The following KCNK2 variants were observed in gnomAD, a reference collection of about 807,000 sequenced individuals.
The protein encoded by KCNK2 is potassium two pore domain channel subfamily K member 2.
KCNK2 carries 21 observed loss-of-function variants against 40.5 expected under a neutral mutation model. The ratio of observed to expected loss-of-function variants is 0.52; its 90% CI spans 0.37 to 0.75. KCNK2 has a LOEUF of 0.75. Ranked by LOEUF, KCNK2 falls within the 30% of genes least tolerant of loss-of-function variation. The pLI is 0.00. For synonymous variants in KCNK2, 191 were observed against 202.2 expected, an observed-to-expected ratio of 0.94 and a Z score of 0.47; for missense variants, 399 against 531.6, an observed-to-expected ratio of 0.75 and a Z score of 2.45.
intron 2 of KCNK2, among the ~76,000 whole-genome samples, chr1:215,111,998 A>G (rs2102564115): frequency 6.7e-6 from 1 of 149,652 alleles, no homozygotes; most frequent in African/African-American, 2.5e-5. Context: ...AAGTACAGGG[A>G]TTTACTCTTT....
At chr1:215,184,292 A>T (rs1451379676) in intron 5 of KCNK2, among the ~76,000 whole-genome samples, 1 of 152,186 alleles carries the variant, frequency 6.6e-6, no homozygotes, top group Non-Finnish European at 1.5e-5. Flanking sequence ...GGAGAAAGTG[A>T]GATATAGTGA....
chr1:215,053,675 A>G (rs902860431), intron 1 of KCNK2, among the ~76,000 whole-genome samples: 20 of 152,238 alleles, frequency 1.3e-4, no homozygotes, highest in African/African-American at 4.8e-4. Context: ...TTTCTAGCTT[A>G]CAAAGGTAGA....
At chr1:215,225,724 A>T (rs1666359369) in intron 6 of KCNK2, among the ~76,000 whole-genome samples, 1 of 152,240 alleles carries the variant, frequency 6.6e-6, no homozygotes, top group Admixed American at 6.5e-5. Context: ...TAGAATGCAT[A>T]GTCTCTGTCA....
At chr1:215,141,680 T>A (rs536641173) in intron 3 of KCNK2, among the ~76,000 whole-genome samples, 22 of 152,204 alleles carry the variant, frequency 1.4e-4, no homozygotes, top group African/African-American at 5.1e-4. Flanking sequence ...GGATCACAAC[T>A]TTTCCTACCA....
chr1:215,148,550 C>T (rs1016395275), intron 3 of KCNK2, among the ~76,000 whole-genome samples: 1 of 152,090 alleles, frequency 6.6e-6, no homozygotes. Flanking sequence ...CTATAGATTG[C>T]TCTTTTCAAT....
In KCNK2 at chr1:215,194,094, A is replaced by T. The variant is rs77659515; in HGVS notation, c.824-859A>T. Reference sequence around the variant, plus strand: ...CTTGGGCTAAATTATGAATTTTTCAAGGGAGGTATTTGATTTCTTACTTGT... The same window carrying T: ...CTTGGGCTAAATTATGAATTTTTCATGGGAGGTATTTGATTTCTTACTTGT... On this transcript the variant is annotated intron_variant, in intron 5 of 6. Transcript: ENST00000444842. 7.7e-3 allele frequency among the ~76,000 whole-genome samples: 1,167 copies of T among 152,252 alleles called. 18 individuals are homozygous for T. The highest frequency in any genetic ancestry group is 0.027 in the African/African-American group (1,116 of 41,568).
intron 1 of KCNK2, among the ~76,000 whole-genome samples, chr1:215,065,803 G>A (rs1220329194): frequency 6.6e-6 from 1 of 152,172 alleles, no homozygotes; most frequent in Admixed American, 6.6e-5. Context: ...TGGAAGAAAA[G>A]TGGGAGGAAA....
At chr1:215,171,151 A>C (rs1032954321) in intron 4 of KCNK2, among the ~76,000 whole-genome samples, 4 of 152,296 alleles carry the variant, frequency 2.6e-5, no homozygotes, top group African/African-American at 9.6e-5. Flanking sequence ...GGACAGATCC[A>C]GTCAGATTTA....
Position 215,230,474 on chromosome 1 carries a change from TATATAC to T in KCNK2, c.964-4352_964-4347del, listed in dbSNP as rs1386339039. Among the ~76,000 whole-genome samples the T allele has an allele frequency of 2.8e-4, 31 of 109,288 alleles. 1 individual carries two copies. In the South Asian group the frequency reaches 8.0e-3, roughly 28 times the overall value. The allele number at this position is 109,288 out of a possible 152,430, so 71.7% of individuals were successfully genotyped here. On this transcript the variant is annotated intron_variant, in intron 6 of 6. Coordinates refer to ENST00000444842, the MANE Select transcript of KCNK2 (RefSeq NM_001017425.3). ...CGTGTAGCTCATGGCTGTAGATATATATATACACACACACACACACACACACACGGC... is the reference window on the plus strand; with the variant it reads ...CGTGTAGCTCATGGCTGTAGATATATACACACACACACACACACACACGGC...
chr1:215,131,676 T>C (rs2102590098), intron 3 of KCNK2, among the ~76,000 whole-genome samples: 1 of 152,024 alleles, frequency 6.6e-6, no homozygotes, highest in African/African-American at 2.4e-5. Context: ...AGAATGCAAA[T>C]AACAAGAAGG....
At chr1:215,024,406 C>T (rs74140868) in intron 1 of KCNK2, among the ~76,000 whole-genome samples, 10,322 of 152,246 alleles carry the variant, frequency 0.068, 431 homozygotes, top group Middle Eastern at 0.19. Flanking sequence ...AGTTCACTTA[C>T]GCAGTGAATA....
At chr1:215,145,595 C>T (rs1243190455) in intron 3 of KCNK2, among the ~76,000 whole-genome samples, 2 of 151,960 alleles carry the variant, frequency 1.3e-5, no homozygotes, top group East Asian at 1.9e-4. Flanking sequence ...TACTTTAGGA[C>T]AATTTGATGA....
At chr1:215,168,782 G>C (rs1043635674) in intron 3 of KCNK2, among the ~76,000 whole-genome samples, 2 of 151,916 alleles carry the variant, frequency 1.3e-5, no homozygotes, top group African/African-American at 4.8e-5. Context: ...GATGGGTTGA[G>C]AGGTGCAGCA....
rs977829799 is a variant in KCNK2, at chr1:215,172,008, TAGTC to T, written c.651_654del (p.Ser217ArgfsTer31). 4 of 1,611,912 alleles carry T rather than the reference TAGTC, an allele frequency of 2.5e-6. No individual in the cohort carries two copies. Among genetic ancestry groups the T allele is most frequent in the South Asian group, 1.1e-5 (1 of 90,986 alleles). The stretch of plus-strand genomic sequence containing the variant: ...TGTCTCATCCCTAGAAGTGGAATGT[TAGTC>T]AGACCAAGATTCGCATCATCTCAAC... On this transcript the variant is annotated frameshift_variant, in exon 5 of 7. Transcript: ENST00000444842. LOFTEE classifies it high-confidence loss of function.
chr1:215,161,870 A>G (rs1031870641), intron 3 of KCNK2, among the ~76,000 whole-genome samples: 1 of 152,202 alleles, frequency 6.6e-6, no homozygotes, highest in African/African-American at 2.4e-5. Context: ...TATTGTGAAT[A>G]GTGCTGCAAT....
intron 6 of KCNK2, among the ~76,000 whole-genome samples, chr1:215,197,395 C>T (rs766830294): frequency 5.3e-5 from 8 of 152,094 alleles, no homozygotes; most frequent in Non-Finnish European, 7.4e-5. Context: ...GCTAGGCTTG[C>T]GGGTGGTGCC....
intron 1 of KCNK2, among the ~76,000 whole-genome samples, chr1:215,026,479 G>A (rs528998846): frequency 4.2e-4 from 64 of 151,872 alleles, no homozygotes; most frequent in African/African-American, 1.3e-3. Context: ...AATGAATAGC[G>A]GCTTGGGGAG....
intron 1 of KCNK2, among the ~76,000 whole-genome samples, chr1:215,083,897 G>A (rs1659301999): frequency 6.6e-6 from 1 of 152,182 alleles, no homozygotes. Context: ...ACAGAAGACT[G>A]TGATGAGCTG....
intron 3 of KCNK2, among the ~76,000 whole-genome samples, chr1:215,166,035 G>A (rs540883822): frequency 2.6e-5 from 4 of 152,216 alleles, no homozygotes; most frequent in African/African-American, 7.2e-5. Context: ...ATTGTAAACC[G>A]TGGAATTTTT....
Sources: allele counts gnomAD v4.1 joint callset (sites outside exome capture counted in the v4.1 genomes callset), GRCh38; gene constraint gnomAD v4.1.1; transcripts MANE v1.5; gene names NCBI Gene and HGNC (gene_info 2026-07-23, HGNC 2026-07-21).